TBC1D5: variants seen among roughly 807,000 people sequenced by gnomAD.
The protein encoded by TBC1D5 is TBC1 domain family, member 5.
TBC1D5 carries 75 observed loss-of-function variants against 100.3 expected under a neutral mutation model. That is an observed-to-expected ratio of 0.75 (90% confidence interval 0.62 to 0.91). The LOEUF (loss-of-function observed/expected upper bound fraction) is 0.91. TBC1D5 is among the 40% of genes least tolerant of loss of function. TBC1D5 has a pLI of 0.00. For synonymous variants in TBC1D5, 323 were observed against 325.6 expected (o/e 0.99, Z 0.09); for missense variants, 910 against 942.4 (o/e 0.97, Z 0.45).
At chr3:17,513,386 A>C (rs1033728031) in intron 2 of TBC1D5, among the ~76,000 whole-genome samples, 17 of 152,164 alleles carry the variant, frequency 1.1e-4, no homozygotes, top group African/African-American at 3.9e-4. Flanking sequence ...GAAAATCTCA[A>C]ACTATGAGCA....
intron 3 of TBC1D5, among the ~76,000 whole-genome samples, chr3:17,441,197 C>T (rs2094646985): frequency 6.6e-6 from 1 of 152,174 alleles, no homozygotes; most frequent in African/African-American, 2.4e-5. Flanking sequence ...CAATGAACAT[C>T]TACTGTCTAC....
At chr3:17,477,256 T>C (rs1336793103) in intron 3 of TBC1D5, among the ~76,000 whole-genome samples, 1 of 152,016 alleles carries the variant, frequency 6.6e-6, no homozygotes, top group Non-Finnish European at 1.5e-5. Context: ...GTAAAATATG[T>C]TTATCTTTTT....
intron 2 of TBC1D5, among the ~76,000 whole-genome samples, chr3:17,576,872 A>C (rs1380148461): frequency 6.6e-6 from 1 of 152,054 alleles, no homozygotes; most frequent in Admixed American, 6.6e-5. Flanking sequence ...AAAAGAAATA[A>C]CACAAATTTT....
At chr3:17,533,053 T>TCA (rs149435699) in intron 2 of TBC1D5, among the ~76,000 whole-genome samples, 9,031 of 139,984 alleles carry the variant, frequency 0.065, 535 homozygotes, top group African/African-American at 0.17. Flanking sequence ...TGAGATCCTG[T>TCA]CACACACACA....
intron 13 of TBC1D5, among the ~76,000 whole-genome samples, chr3:17,319,166 G>A (rs542767703): frequency 4.6e-5 from 7 of 152,120 alleles, no homozygotes; most frequent in African/African-American, 7.2e-5. Context: ...TAATCTGCTC[G>A]TAAACCAACT....
At chr3:17,437,628 G>A (rs1464577259) in intron 3 of TBC1D5, among the ~76,000 whole-genome samples, 3 of 47,118 alleles carry the variant, frequency 6.4e-5, no homozygotes, top group African/African-American at 1.5e-4. Context: ...GAGGTAGAGA[G>A]AGAGAGAGAG....
chr3:17,656,838 T>C (rs1017575067), intron 1 of TBC1D5, among the ~76,000 whole-genome samples: 34 of 152,000 alleles, frequency 2.2e-4, no homozygotes, highest in African/African-American at 7.7e-4. Flanking sequence ...AATATATATA[T>C]ATATAAAATG....
intron 1 of TBC1D5, among the ~76,000 whole-genome samples, chr3:17,632,129 A>T (rs1055521415): frequency 2.0e-5 from 3 of 152,218 alleles, no homozygotes; most frequent in African/African-American, 7.2e-5. Context: ...AGGAAGTCAA[A>T]ATATCAACAT....
chr3:17,285,333 T>G (rs2081069306), intron 15 of TBC1D5, among the ~76,000 whole-genome samples: 1 of 137,566 alleles, frequency 7.3e-6, no homozygotes, highest in Admixed American at 8.2e-5. Context: ...CGATCTCGGC[T>G]CACTGCAAGC....
intron 2 of TBC1D5, among the ~76,000 whole-genome samples, chr3:17,542,535 T>C (rs2096368986): frequency 6.6e-6 from 1 of 152,182 alleles, no homozygotes; most frequent in African/African-American, 2.4e-5. Flanking sequence ...TATATAATAT[T>C]TGCATATTGC....
intron 2 of TBC1D5, among the ~76,000 whole-genome samples, chr3:17,520,631 G>C (rs993588925): frequency 6.6e-6 from 1 of 151,700 alleles, no homozygotes; most frequent in African/African-American, 2.4e-5. Context: ...TTCTCTCAAG[G>C]GGCCCAAAAT....
At chr3:17,437,229 C>A (rs1250163833) in intron 3 of TBC1D5, among the ~76,000 whole-genome samples, 2 of 152,092 alleles carry the variant, frequency 1.3e-5, no homozygotes, top group African/African-American at 4.8e-5. Flanking sequence ...GGCTCCATAA[C>A]TGTGAGAAAT....
At chr3:17,654,607 T>TGA (rs2065885667) in intron 1 of TBC1D5, among the ~76,000 whole-genome samples, 1 of 152,248 alleles carries the variant, frequency 6.6e-6, no homozygotes, top group African/African-American at 2.4e-5. Context: ...TCAAGGATAT[T>TGA]GATCTAAAAT....
At position 17,433,536 on chromosome 3, in the gene TBC1D5, C is replaced by T. The variant is rs533894121; in HGVS notation, c.98-5017G>A. Among the ~76,000 whole-genome samples the T allele has an allele frequency of 1.7e-4, 26 of 152,188 alleles. No individual in the cohort carries two copies. In the South Asian group the frequency reaches 5.0e-3, roughly 29 times the overall value. On this transcript the variant is annotated intron_variant, in intron 3 of 21. Transcript: ENST00000253692. Reference sequence around the variant, plus strand: ...ATCACAAGAGCAGCATGGGGGTAACCGCCCTCATGATTCAATTACCTCCAA... The same window carrying T: ...ATCACAAGAGCAGCATGGGGGTAACTGCCCTCATGATTCAATTACCTCCAA...
At chr3:17,406,430 G>A (rs2093771897) in exon 5 of TBC1D5, 1 of 1,606,032 alleles carries the variant, frequency 6.2e-7, no homozygotes, top group Admixed American at 1.7e-5. Flanking sequence ...TCCAGCAAAT[G>A]CTGCGGAACC....
intron 18 of TBC1D5, among the ~76,000 whole-genome samples, chr3:17,191,352 T>G (rs959725957): frequency 6.6e-6 from 1 of 152,214 alleles, no homozygotes; most frequent in Non-Finnish European, 1.5e-5. Context: ...TTTTCCAGAT[T>G]AAATACTTTG....
chr3:17,318,481 G>A (rs867874414), intron 13 of TBC1D5, among the ~76,000 whole-genome samples: 1 of 152,090 alleles, frequency 6.6e-6, no homozygotes, highest in East Asian at 1.9e-4. Flanking sequence ...AGAACCACTT[G>A]GGGGAAAAAT....
At chr3:17,606,017 G>T (rs1434407607) in intron 2 of TBC1D5, among the ~76,000 whole-genome samples, 1 of 152,120 alleles carries the variant, frequency 6.6e-6, no homozygotes, top group African/African-American at 2.4e-5. Flanking sequence ...AATTGTGATA[G>T]ACTAGAACGC....
At position 17,533,200 on chromosome 3, in the gene TBC1D5, C is replaced by A. The variant is rs549513063; in HGVS notation, c.-35-24595G>T. ...TTCTACAATCCAATAATCCCTAAAT[C>A]TATTTCCCCATACAATTAAAAGATA... On this transcript the variant is annotated intron_variant, in intron 2 of 21. Coordinates refer to ENST00000253692, the Ensembl canonical transcript of TBC1D5. Among the ~76,000 whole-genome samples, 464 of 152,176 alleles carry A rather than the reference C, an allele frequency of 3.0e-3. 4 individuals carry two copies. Among genetic ancestry groups the A allele is most frequent in the African/African-American group, 0.011 (440 of 41,520 alleles).
Sources: gnomAD v4.1 joint callset for allele counts (sites outside exome capture counted in the v4.1 genomes callset) on GRCh38, gnomAD v4.1.1 for gene constraint, MANE v1.5 for transcripts, NCBI Gene and HGNC (gene_info 2026-07-23, HGNC 2026-07-21) for gene names.